Variants in PBX1 observed in about 807,000 individuals in gnomAD.
PBX1 encodes PBX homeobox 1.
Under a neutral mutation model 53.4 loss-of-function variants are expected in PBX1, and 6 were observed. The observed-to-expected ratio is 0.11, with a 90% confidence interval of 0.06 to 0.22. PBX1 has a LOEUF of 0.22. Ranked by LOEUF, PBX1 falls within the 10% of genes least tolerant of loss-of-function variation. The pLI, the probability that PBX1 is intolerant of heterozygous loss-of-function variation, is 1.00. For synonymous variants in PBX1, 204 were observed against 212.3 expected, an observed-to-expected ratio of 0.96 and a Z score of 0.34; for missense variants, 251 against 551.4, an observed-to-expected ratio of 0.46 and a Z score of 5.46.
intron 2 of PBX1, among the ~76,000 whole-genome samples, chr1:164,661,337 A>G (rs1660476162): frequency 6.6e-6 from 1 of 151,926 alleles, no homozygotes; most frequent in Non-Finnish European, 1.5e-5. Context: ...AACATTACCA[A>G]TGGTTCATGT....
chr1:164,673,134 A>G (rs1661205806), intron 2 of PBX1, among the ~76,000 whole-genome samples: 1 of 152,188 alleles, frequency 6.6e-6, no homozygotes, highest in Admixed American at 6.5e-5. Context: ...GCAAATCCAT[A>G]CAATACATAC....
chr1:164,574,490 C>T (rs572834562), intron 2 of PBX1, among the ~76,000 whole-genome samples: 3 of 152,292 alleles, frequency 2.0e-5, no homozygotes, highest in Admixed American at 6.5e-5. Flanking sequence ...GCTTAGATTC[C>T]TAGGACACTA....
At chr1:164,681,721 A>T (rs899570618) in intron 2 of PBX1, among the ~76,000 whole-genome samples, 2 of 152,204 alleles carry the variant, frequency 1.3e-5, no homozygotes, top group African/African-American at 4.8e-5. Flanking sequence ...ACTACCTATG[A>T]GGTACTATGC....
At chr1:164,868,223 C>T (rs745331600) in intron 2 of PBX1, among the ~76,000 whole-genome samples, 2 of 152,150 alleles carry the variant, frequency 1.3e-5, no homozygotes, top group African/African-American at 2.4e-5. Context: ...TGAGGGGGGC[C>T]ATTTTTTTTA....
At chr1:164,566,536 C>T (rs1653445358) in intron 2 of PBX1, among the ~76,000 whole-genome samples, 1 of 152,044 alleles carries the variant, frequency 6.6e-6, no homozygotes, top group Admixed American at 6.5e-5. Context: ...TTTTAAGATC[C>T]ATTCCTTGTC....
intron 2 of PBX1, among the ~76,000 whole-genome samples, chr1:164,681,145 T>C (rs1661747172): frequency 2.6e-5 from 4 of 151,978 alleles, no homozygotes; most frequent in Admixed American, 2.6e-4. Flanking sequence ...CCCAGGAGGC[T>C]GAGGTGGAAG....
intron 2 of PBX1, among the ~76,000 whole-genome samples, chr1:164,666,699 G>A (rs954032226): frequency 1.3e-5 from 2 of 152,180 alleles, no homozygotes; most frequent in African/African-American, 4.8e-5. Flanking sequence ...GATGAGGGAC[G>A]GGAAGGAGAG....
At chr1:164,647,849 C>T (rs1394053440) in intron 2 of PBX1, among the ~76,000 whole-genome samples, 7 of 146,758 alleles carry the variant, frequency 4.8e-5, no homozygotes, top group African/African-American at 1.8e-4. Context: ...GAGTCTTGCT[C>T]AGTCGCCCAG....
chr1:164,872,576 G>C lies in PBX1; in HGVS notation n.258-26612G>C, dbSNP rs1160317456. ...CACCCCTACTAAAGTGTGGTACCCA[G>C]AGAGAAGCAGAGGAGATGAGCATTA... is the stretch of plus-strand genomic sequence containing the variant. On this transcript the variant is annotated intron_variant and non_coding_transcript_variant, in intron 2 of 2. Transcript: ENST00000558796. Among the ~76,000 whole-genome samples the C allele has an allele frequency of 2.0e-5, 3 of 152,216 alleles. No individual in the cohort carries two copies. The East Asian group carries it at 5.8e-4, about 29-fold the overall frequency.
chr1:164,570,660 A>G (rs1301264816), intron 2 of PBX1, among the ~76,000 whole-genome samples: 8 of 152,202 alleles, frequency 5.3e-5, no homozygotes, highest in Non-Finnish European at 1.2e-4. Context: ...TAGTGCTGCA[A>G]TAAACATATG....
At chr1:164,583,328 GGA>G (rs1654747189) in intron 2 of PBX1, among the ~76,000 whole-genome samples, 1 of 152,080 alleles carries the variant, frequency 6.6e-6, no homozygotes, top group African/African-American at 2.4e-5. Flanking sequence ...TTTTCTGAGA[GGA>G]GAGAGGCTAT....
In PBX1 at chr1:164,698,909, G is replaced by T. The variant is rs973564833; in HGVS notation, c.266-93585G>T. ...ACATGTGAGGACAGAGCACAGGGGG[G>T]TTTTGAAACAAGGTCCCAAGCCAGT... On this transcript the variant is annotated intron_variant, in intron 2 of 8. Transcript: ENST00000420696. Among the ~76,000 whole-genome samples, 342 of 152,328 alleles carry T rather than the reference G, an allele frequency of 2.2e-3. 4 individuals are homozygous for T. Among genetic ancestry groups the T allele is most frequent in the African/African-American group, 6.8e-3 (283 of 41,564 alleles).
At chr1:164,821,385 C>A (rs1485899511) in intron 7 of PBX1, 152 bp from the exon 8 acceptor site, 8 of 650,726 alleles carry the variant, frequency 1.2e-5, no homozygotes, top group Non-Finnish European at 2.3e-5. Flanking sequence ...AGGAAGCTAG[C>A]CTCCTCCTAA....
intron 5 of PBX1, among the ~76,000 whole-genome samples, chr1:164,808,758 C>T (rs898200980): frequency 3.3e-5 from 5 of 152,170 alleles, no homozygotes; most frequent in Non-Finnish European, 7.3e-5. Context: ...AAAGTATTGA[C>T]AATGAAGGGA....
intron 2 of PBX1, among the ~76,000 whole-genome samples, chr1:164,587,288 T>C (rs1655015579): frequency 1.3e-5 from 2 of 152,206 alleles, no homozygotes; most frequent in Non-Finnish European, 2.9e-5. Flanking sequence ...AAGCAATGTA[T>C]ATGACAGAAG....
intron 2 of PBX1, among the ~76,000 whole-genome samples, chr1:164,733,621 A>G (rs1665115896): frequency 2.0e-5 from 3 of 152,206 alleles, no homozygotes; most frequent in African/African-American, 4.8e-5. Flanking sequence ...TCTATATACT[A>G]AAACCTGTTT....
At chr1:164,582,483 C>T (rs927582758) in intron 2 of PBX1, among the ~76,000 whole-genome samples, 11 of 150,290 alleles carry the variant, frequency 7.3e-5, no homozygotes, top group East Asian at 3.9e-4. Flanking sequence ...AGTGCAGTGA[C>T]GCGATCTCAG....
intron 2 of PBX1, among the ~76,000 whole-genome samples, chr1:164,595,576 G>A (rs545915905): frequency 6.6e-6 from 1 of 150,640 alleles, no homozygotes; most frequent in East Asian, 2.0e-4. Context: ...TTTGCTCATT[G>A]TCAGCGCCTA....
intron 2 of PBX1, among the ~76,000 whole-genome samples, chr1:164,697,859 T>A (rs2800796): frequency 6.6e-6 from 1 of 151,920 alleles, no homozygotes; most frequent in Non-Finnish European, 1.5e-5. Flanking sequence ...GCCTCAGTGG[T>A]TTAGATTGTT....
Sources: gnomAD v4.1 joint callset for allele counts (sites outside exome capture counted in the v4.1 genomes callset) on GRCh38, gnomAD v4.1.1 for gene constraint, MANE v1.5 for transcripts, NCBI Gene and HGNC (gene_info 2026-07-23, HGNC 2026-07-21) for gene names.